Variants in ANKFN1 observed in about 807,000 individuals in gnomAD.
The protein encoded by ANKFN1 is ankyrin repeat and fibronectin type III domain containing 1.
Under a neutral mutation model 108.7 loss-of-function variants are expected in ANKFN1, and 74 were observed. That is an observed-to-expected ratio of 0.68 (90% confidence interval 0.56 to 0.83). The LOEUF (loss-of-function observed/expected upper bound fraction) is 0.83, where lower values mean the gene tolerates loss of function less well. ANKFN1 is among the 40% of genes least tolerant of loss of function. ANKFN1 has a pLI of 0.00. For synonymous variants in ANKFN1, 547 were observed against 516.2 expected, an observed-to-expected ratio of 1.06 and a Z score of -0.81; for missense variants, 1,505 against 1,382.3, an observed-to-expected ratio of 1.09 and a Z score of -1.41.
At chr17:56,147,391 T>G (rs567077192) in intron 4 of ANKFN1, among the ~76,000 whole-genome samples, 4 of 151,904 alleles carry the variant, frequency 2.6e-5, no homozygotes, top group Non-Finnish European at 5.9e-5. Flanking sequence ...TGCCTGAGAC[T>G]GGGTAATTTA....
At chr17:56,423,581 G>T (rs1321951161) in intron 8 of ANKFN1, among the ~76,000 whole-genome samples, 1 of 151,942 alleles carries the variant, frequency 6.6e-6, no homozygotes, top group African/African-American at 2.4e-5. Flanking sequence ...TTTCTCTTCT[G>T]CAGTACATCC....
At chr17:56,383,154 T>C (rs1359278744) in intron 8 of ANKFN1, among the ~76,000 whole-genome samples, 1 of 151,946 alleles carries the variant, frequency 6.6e-6, no homozygotes, top group Non-Finnish European at 1.5e-5. Context: ...GCAATCAAAC[T>C]AGAACTCAGG....
chr17:56,301,344 A>G (rs2144369111), intron 3 of ANKFN1, among the ~76,000 whole-genome samples: 1 of 152,326 alleles, frequency 6.6e-6, no homozygotes, highest in East Asian at 1.9e-4. Context: ...CTTTCTGGAC[A>G]CTAAGGGTCA....
chr17:56,350,941 C>T lies in ANKFN1; in HGVS notation c.364C>T (p.Arg122Trp), dbSNP rs763397126. The T allele has an allele frequency of 6.8e-6, 11 of 1,613,460 alleles. No individual in the cohort carries two copies. Among genetic ancestry groups the T allele is most frequent in the Middle Eastern group, 1.6e-4 (1 of 6,076 alleles). ...GGCCTATTTTAGGACAAGAACTGATCGGCTGAGTCTCAGGAAGACCTCGGT... is the reference window on the plus strand; with the variant it reads ...GGCCTATTTTAGGACAAGAACTGATTGGCTGAGTCTCAGGAAGACCTCGGT... Reference protein sequence around the residue: ...DEAYFRTRTDRLSLRKTSVNF... With the variant: ...DEAYFRTRTDWLSLRKTSVNF... The change falls in exon 5 of 21, where the codon CGG becomes TGG. Residue 122 changes from arginine to tryptophan, a missense_variant. Physicochemically the swap from Arg to Trp is moderately radical, Grantham distance 101. Coordinates refer to ENST00000682825, the MANE Select transcript of ANKFN1 (RefSeq NM_001370326.1).
At position 56,117,964 on chromosome 17, in the gene ANKFN1, C is replaced by T. The variant is rs189984978; in HGVS notation, c.288+71639C>T. ...ATAGGTTTGCCCATTCCACACATTT[C>T]TTATAATAGAATCATACAAAATGTT... On this transcript the variant is annotated intron_variant, in intron 4 of 12. Coordinates refer to the ANKFN1 transcript ENST00000635860. Among the ~76,000 whole-genome samples the T allele has an allele frequency of 9.2e-5, 14 of 152,184 alleles. No homozygotes were observed. In the East Asian group the frequency reaches 2.5e-3, roughly 27 times the overall value.
At chr17:56,430,466 A>T (rs1284408162) in intron 8 of ANKFN1, among the ~76,000 whole-genome samples, 1 of 151,284 alleles carries the variant, frequency 6.6e-6, no homozygotes, top group African/African-American at 2.4e-5. Flanking sequence ...CTACTAAAAA[A>T]AATTTGCTAA....
chr17:56,126,647 C>T (rs989950292), intron 4 of ANKFN1, among the ~76,000 whole-genome samples: 3 of 152,132 alleles, frequency 2.0e-5, no homozygotes, highest in South Asian at 2.1e-4. Flanking sequence ...ACCCTGAATG[C>T]GCTGGCAAAG....
chr17:56,053,943 G>A (rs73323672), intron 4 of ANKFN1, among the ~76,000 whole-genome samples: 17,416 of 152,066 alleles, frequency 0.11, 1,137 homozygotes, highest in African/African-American at 0.18. Flanking sequence ...ATTTTAGTGC[G>A]CCTGCCATCC....
At chr17:56,187,779 A>T (rs940383816) in intron 1 of ANKFN1, among the ~76,000 whole-genome samples, 1 of 152,296 alleles carries the variant, frequency 6.6e-6, no homozygotes, top group Admixed American at 6.5e-5. Flanking sequence ...CATGTCCTTT[A>T]TAGGGACATG....
chr17:56,460,068 A>AAG (rs3028007), intron 14 of ANKFN1, among the ~76,000 whole-genome samples: 1 of 151,174 alleles, frequency 6.6e-6, no homozygotes, highest in African/African-American at 2.4e-5. Flanking sequence ...AAAAAAAAAA[A>AAG]TCACAAAAAA....
intron 4 of ANKFN1, among the ~76,000 whole-genome samples, chr17:56,076,179 T>C (rs1215015580): frequency 6.6e-6 from 1 of 152,222 alleles, no homozygotes; most frequent in East Asian, 1.9e-4. Flanking sequence ...ATGACAATTG[T>C]AATATTACTA....
chr17:56,163,214 T>C (rs1909840248), intron 1 of ANKFN1, among the ~76,000 whole-genome samples: 1 of 152,064 alleles, frequency 6.6e-6, no homozygotes, highest in African/African-American at 2.4e-5. Flanking sequence ...TGAAAGTTGG[T>C]AAAACCCTTT....
chr17:56,155,736 A>G (rs1263147080), intron 1 of ANKFN1, among the ~76,000 whole-genome samples: 1 of 152,152 alleles, frequency 6.6e-6, no homozygotes, highest in African/African-American at 2.4e-5. Flanking sequence ...GAGAGGTCAG[A>G]AGGTTGGAGT....
chr17:56,053,614 T>C (rs1444853192), intron 4 of ANKFN1, among the ~76,000 whole-genome samples: 1 of 152,192 alleles, frequency 6.6e-6, no homozygotes, highest in African/African-American at 2.4e-5. Context: ...GCAAAAAACA[T>C]GGGAGTGCAG....
At chr17:56,300,463 G>A (rs1429347779) in intron 3 of ANKFN1, among the ~76,000 whole-genome samples, 1 of 151,988 alleles carries the variant, frequency 6.6e-6, no homozygotes, top group Non-Finnish European at 1.5e-5. Flanking sequence ...TAATCCACAT[G>A]TTTCTGTTTC....
intron 20 of ANKFN1, among the ~76,000 whole-genome samples, chr17:56,502,670 T>A (rs1318531382): frequency 6.6e-6 from 1 of 152,226 alleles, no homozygotes. Flanking sequence ...AAAAGCCATT[T>A]ATGAAAAGGG....
At chr17:56,355,318 A>T (rs8070099) in intron 6 of ANKFN1, among the ~76,000 whole-genome samples, 9,242 of 152,218 alleles carry the variant, frequency 0.061, 913 homozygotes, top group African/African-American at 0.21. Context: ...GAATTCTAGA[A>T]GATATGAAGG....
chr17:56,333,713 A>G (rs148820297), intron 4 of ANKFN1, among the ~76,000 whole-genome samples: 135 of 152,202 alleles, frequency 8.9e-4, no homozygotes, highest in African/African-American at 3.1e-3. Context: ...AAAGTTTTGG[A>G]AGAGTTGTAT....
intron 14 of ANKFN1, among the ~76,000 whole-genome samples, chr17:56,463,157 G>GT (rs1346599769): frequency 6.6e-6 from 1 of 152,188 alleles, no homozygotes; most frequent in Non-Finnish European, 1.5e-5. Flanking sequence ...GCCAGGCACT[G>GT]TGTTGAGTGC....
Sources: gnomAD v4.1 joint callset for allele counts (sites outside exome capture counted in the v4.1 genomes callset) on GRCh38, gnomAD v4.1.1 for gene constraint, MANE v1.5 for transcripts, NCBI Gene and HGNC (gene_info 2026-07-23, HGNC 2026-07-21) for gene names.